EAF1: variants seen among roughly 807,000 people sequenced by gnomAD.
EAF1 encodes ELL associated factor 1.
Under a neutral mutation model 26.6 loss-of-function variants are expected in EAF1, and 19 were observed. The observed-to-expected ratio is 0.71, with a 90% CI of 0.50 to 1.05. The LOEUF is 1.05. EAF1 is among the 50% of genes least tolerant of loss of function. EAF1 has a pLI of 0.00. For missense variants in EAF1, 260 were observed against 335.5 expected, an observed-to-expected ratio of 0.78 and a Z score of 1.76; for synonymous variants, 102 against 120.6, an observed-to-expected ratio of 0.85 and a Z score of 1.01.
chr3:15,431,797 A>G (rs1362788713), intron 2 of EAF1, among the ~76,000 whole-genome samples: 2 of 152,248 alleles, frequency 1.3e-5, no homozygotes, highest in African/African-American at 4.8e-5. Flanking sequence ...GCTTAGTATA[A>G]TGAAAGTAAT....
chr3:15,431,216 C>A (rs921244387), intron 2 of EAF1, among the ~76,000 whole-genome samples: 2 of 152,300 alleles, frequency 1.3e-5, no homozygotes, highest in South Asian at 4.1e-4. Flanking sequence ...AAGTATATAA[C>A]CTTGAACAAA....
At chr3:15,436,618 T>C (rs1457886952) in intron 5 of EAF1, 43 bp downstream of exon 5, 7 of 1,440,470 alleles carry the variant, frequency 4.9e-6, no homozygotes, top group African/African-American at 1.4e-5. Context: ...GGGCCATAGG[T>C]GCAGCTTCTA....
At chr3:15,436,304 G>T in intron 4 of EAF1, 38 bp from the exon 5 acceptor site, 1 of 1,506,918 alleles carries the variant, frequency 6.6e-7, no homozygotes, top group Non-Finnish European at 9.1e-7. Context: ...CCTTGAAAAG[G>T]GCTGCTGTGC....
intron 2 of EAF1, among the ~76,000 whole-genome samples, chr3:15,430,469 A>G (rs2061795949): frequency 6.6e-6 from 1 of 151,864 alleles, no homozygotes; most frequent in Non-Finnish European, 1.5e-5. Flanking sequence ...CAAAAAAAAA[A>G]AAAAAAAGAT....
chr3:15,437,831 T>TGGGGCA (rs2061844298), intron 5 of EAF1, among the ~76,000 whole-genome samples: 2 of 152,120 alleles, frequency 1.3e-5, no homozygotes, highest in African/African-American at 4.8e-5. Flanking sequence ...CTCAGCACTA[T>TGGGGCA]GGGCAGTTTG....
chr3:15,441,368 C>CAGGAGAATG lies in EAF1; in HGVS notation c.*2213_*2214insAGGAGAATG, dbSNP rs1191581936. On this transcript the variant is annotated 3_prime_UTR_variant, in exon 6 of 6. Transcript: ENST00000396842. ...CGGACTTGTTCTTCCTGCCTCTGTG[C>CAGGAGAATG]CTTCTCTCATTCTCCTTCTCTCCCT... 6.5e-6 allele frequency: 1 copy of CAGGAGAATG among 153,684 alleles called. No individual in the cohort carries two copies. The highest frequency in any genetic ancestry group is 1.5e-5 in the Non-Finnish European group (1 of 68,044). 9.5% of individuals were successfully genotyped at this position (153,684 alleles called of 1,614,324 possible). A position where few individuals can be genotyped will look rare whatever the true frequency, so the allele number is the denominator to read the frequency against.
At chr3:15,428,596 T>C (rs2061774831) in intron 1 of EAF1, among the ~76,000 whole-genome samples, 1 of 152,034 alleles carries the variant, frequency 6.6e-6, no homozygotes, top group African/African-American at 2.4e-5. Context: ...AAGATTGGTC[T>C]ACGTTTGGAA....
intron 4 of EAF1, 80 bp from the exon 5 acceptor site, chr3:15,436,262 G>C: frequency 9.3e-7 from 1 of 1,074,428 alleles, no homozygotes; most frequent in East Asian, 2.6e-5. Flanking sequence ...TGGTTTTGCT[G>C]ATTTACTATT....
Position 15,430,287 on chromosome 3 carries a change from C to T in EAF1, c.198+280C>T, listed in dbSNP as rs569709372. 5.3e-5 allele frequency among the ~76,000 whole-genome samples: 8 copies of T among 151,740 alleles called. No individual in the cohort carries two copies. In the East Asian group the frequency reaches 1.2e-3, roughly 22 times the overall value. ...CAGCCTGGGCAACATGGTGAAACCC[C>T]GTCTGTACCAAAAATACAAAAAATT... On this transcript the variant is annotated intron_variant, in intron 2 of 5. Transcript: ENST00000396842.
chr3:15,427,749 G>T lies in EAF1; in HGVS notation c.-31G>T, dbSNP rs759842708. ...CGGATCGCGGCTGCACCGGGAGAGCGCCGATCTGGGTGCGAGGCAGGTGCG... is the reference window on the plus strand; with the variant it reads ...CGGATCGCGGCTGCACCGGGAGAGCTCCGATCTGGGTGCGAGGCAGGTGCG... On this transcript the variant is annotated 5_prime_UTR_variant, in exon 1 of 6. Coordinates refer to ENST00000396842, the MANE Select transcript of EAF1 (RefSeq NM_033083.7). 1 of 1,547,618 alleles carries T rather than the reference G, an allele frequency of 6.5e-7. No individual in the cohort carries two copies. The highest frequency in any genetic ancestry group is 8.7e-7 in the Non-Finnish European group (1 of 1,144,362).
At chr3:15,433,376 C>T (rs543929863) in intron 3 of EAF1, among the ~76,000 whole-genome samples, 1 of 152,222 alleles carries the variant, frequency 6.6e-6, no homozygotes, top group South Asian at 2.1e-4. Context: ...CCAGGTGCTA[C>T]CGATATTCCT....
chr3:15,429,594 T>C (rs2061790335), intron 1 of EAF1, among the ~76,000 whole-genome samples: 2 of 152,130 alleles, frequency 1.3e-5, no homozygotes, highest in East Asian at 3.9e-4. Flanking sequence ...TTTAATAAAA[T>C]GGCCTGTAAA....
Position 15,430,015 on chromosome 3 carries a change from T to C in EAF1, c.198+8T>C, listed in dbSNP as rs375050195. 4.5e-6 allele frequency: 7 copies of C among 1,556,532 alleles called. No homozygotes were observed. The highest frequency in any genetic ancestry group is 1.7e-6 in the Non-Finnish European group (2 of 1,146,570). ...ACACTGCCACATATCCCTGTGAGTT[T>C]ATTTCATTTTTTTTTTTAATGTAAG... On this transcript the variant is annotated splice_region_variant and intron_variant, in intron 2 of 5. Coordinates refer to ENST00000396842, the MANE Select transcript of EAF1 (RefSeq NM_033083.7).
In EAF1 at chr3:15,436,468, C is replaced by T. The variant is rs1400623669; in HGVS notation, c.653C>T (p.Pro218Leu). Residue 218 changes from proline (P) to leucine (L), a missense_variant, in exon 5 of 6, where the codon CCA (proline) becomes CTA (leucine). By Grantham distance (98) the Pro-to-Leu change is moderately conservative. Coordinates refer to ENST00000396842, the MANE Select transcript of EAF1 (RefSeq NM_033083.7). ...AGCAGTGGAGGCGAGGACAATGGCC[C>T]AGCCTCTCCTCCGCAGCCTTCACAC... ...SSSSGGEDNG[P>L]ASPPQPSHQQ... 6.2e-7 allele frequency: 1 copy of T among 1,613,046 alleles called. No individual in the cohort carries two copies. Among genetic ancestry groups the T allele is most frequent in the Non-Finnish European group, 8.5e-7 (1 of 1,179,032 alleles).
Position 15,439,554 on chromosome 3 carries a change from C to G in EAF1, c.*399C>G. ...GTGGTTGGTACCAGTGGAATGAAGT[C>G]TTTGATGGGTAGGAGAGAGAGGGAA... is the stretch of plus-strand genomic sequence containing the variant. On this transcript the variant is annotated 3_prime_UTR_variant, in exon 6 of 6. Coordinates refer to ENST00000396842, the MANE Select transcript of EAF1 (RefSeq NM_033083.7). 6.0e-6 allele frequency: 1 copy of G among 165,382 alleles called. No individual in the cohort carries two copies. The highest frequency in any genetic ancestry group is 6.3e-5 in the Admixed American group (1 of 15,782). The allele number at this position is 165,382 out of a possible 1,614,324, so 10.2% of individuals were successfully genotyped here. A position where few individuals can be genotyped will look rare whatever the true frequency, so the allele number is the denominator to read the frequency against.
chr3:15,432,239 G>C lies in EAF1; in HGVS notation c.335+16G>C. On this transcript the variant is annotated intron_variant, in intron 3 of 5. Transcript: ENST00000396842. ...AGAAAACAAGGTATGTGAATAGCCA[G>C]ATGCAGGTTTATATCATGTTTCCAA... The C allele has an allele frequency of 6.2e-7, 1 of 1,613,608 alleles. No homozygotes were observed. Among genetic ancestry groups the C allele is most frequent in the Non-Finnish European group, 8.5e-7 (1 of 1,179,760 alleles).
intron 2 of EAF1, 44 bp from the exon 3 acceptor site, chr3:15,432,043 C>T (rs762588397): frequency 3.2e-6 from 5 of 1,583,206 alleles, no homozygotes; most frequent in Non-Finnish European, 4.3e-6. Context: ...ATATTCATAA[C>T]TGGTATGTTT....
At chr3:15,430,845 T>C (rs1575450306) in intron 2 of EAF1, among the ~76,000 whole-genome samples, 1 of 152,268 alleles carries the variant, frequency 6.6e-6, no homozygotes, top group East Asian at 1.9e-4. Context: ...ACATGTGTTA[T>C]TGCATGTCAC....
rs1364001367 is a variant in EAF1, at chr3:15,441,659, A to G, written c.*2504A>G. 2.0e-5 allele frequency: 3 copies of G among 152,548 alleles called. No homozygotes were observed. Among genetic ancestry groups the G allele is most frequent in the African/African-American group, 4.8e-5 (2 of 41,252 alleles). 9.4% of individuals were successfully genotyped at this position (152,548 alleles called of 1,614,324 possible). On this transcript the variant is annotated 3_prime_UTR_variant, in exon 6 of 6. Coordinates refer to ENST00000396842, the MANE Select transcript of EAF1 (RefSeq NM_033083.7). ...TGAGACCAGCCTGGGCAACATGGCG[A>G]GACCCTGTTTCTACAAAAAGAAAAA...
Sources: gnomAD v4.1 joint callset for allele counts (sites outside exome capture counted in the v4.1 genomes callset) on GRCh38, gnomAD v4.1.1 for gene constraint, MANE v1.5 for transcripts, NCBI Gene and HGNC (gene_info 2026-07-23, HGNC 2026-07-21) for gene names.